Variants in CDYL2 observed in about 807,000 individuals in gnomAD.
CDYL2 encodes chromodomain Y like 2.
A neutral mutation model predicts 49.4 loss-of-function variants in CDYL2; 23 were observed. The observed-to-expected ratio is 0.47, with a 90% CI of 0.34 to 0.66. CDYL2 has a LOEUF of 0.66. Ranked by LOEUF, CDYL2 falls within the 30% of genes least tolerant of loss-of-function variation. CDYL2 has a pLI of 0.01. For synonymous variants in CDYL2, 360 were observed against 268.8 expected, an observed-to-expected ratio of 1.34 and a Z score of -3.32; for missense variants, 678 against 656.4, an observed-to-expected ratio of 1.03 and a Z score of -0.36.
intron 6 of CDYL2, 138 bp downstream of exon 6, chr16:80,607,954 T>G: frequency 3.0e-6 from 3 of 985,470 alleles, no homozygotes; most frequent in Non-Finnish European, 4.3e-6. Context: ...GAAAAGGCAT[T>G]TGTTAAATTG....
chr16:80,741,562 T>C (rs1317857275), intron 1 of CDYL2, among the ~76,000 whole-genome samples: 1 of 152,080 alleles, frequency 6.6e-6, no homozygotes. Context: ...AAGAAACAGA[T>C]GAACATATTA....
chr16:80,692,469 A>G (rs768145689), intron 1 of CDYL2, among the ~76,000 whole-genome samples: 1 of 152,338 alleles, frequency 6.6e-6, no homozygotes, highest in African/African-American at 2.4e-5. Flanking sequence ...CATTTAAAAC[A>G]TGACTCAAAC....
At chr16:80,620,648 A>T in intron 4 of CDYL2, 115 bp downstream of exon 4, 1 of 984,898 alleles carries the variant, frequency 1.0e-6, no homozygotes, top group Non-Finnish European at 1.4e-6. Flanking sequence ...GGATATACTT[A>T]TGCTAAAAAT....
chr16:80,652,733 T>C (rs1319143922), intron 2 of CDYL2, among the ~76,000 whole-genome samples: 2 of 152,174 alleles, frequency 1.3e-5, no homozygotes, highest in Non-Finnish European at 2.9e-5. Flanking sequence ...TGATAGGATG[T>C]GATGAGAATG....
At chr16:80,679,254 A>C (rs1384719217) in intron 2 of CDYL2, among the ~76,000 whole-genome samples, 1 of 148,740 alleles carries the variant, frequency 6.7e-6, no homozygotes, top group Non-Finnish European at 1.5e-5. Context: ...CTAAAACTTA[A>C]AGTATAATAA....
intron 2 of CDYL2, among the ~76,000 whole-genome samples, chr16:80,657,132 A>C (rs1204458831): frequency 3.3e-5 from 5 of 152,232 alleles, no homozygotes; most frequent in Admixed American, 2.0e-4. Flanking sequence ...ACGCTTAGAA[A>C]ACAAGCCAGC....
chr16:80,784,793 G>T (rs558281340), intron 1 of CDYL2, among the ~76,000 whole-genome samples: 1 of 152,136 alleles, frequency 6.6e-6, no homozygotes, highest in African/African-American at 2.4e-5. Flanking sequence ...AATGATCAGT[G>T]CTGGAGAGAA....
At chr16:80,648,496 C>T (rs1054063309) in intron 2 of CDYL2, among the ~76,000 whole-genome samples, 22 of 151,840 alleles carry the variant, frequency 1.4e-4, no homozygotes, top group African/African-American at 4.8e-4. Flanking sequence ...AGCGATATCA[C>T]AGCCATAATA....
At chr16:80,608,342 T>A in intron 5 of CDYL2, 107 bp from the exon 6 acceptor site, 20 of 1,223,734 alleles carry the variant, frequency 1.6e-5, no homozygotes, top group Non-Finnish European at 2.0e-5. Flanking sequence ...GGAAGGCATC[T>A]TGCCTTCCAG....
chr16:80,706,516 T>A (rs1040597979), intron 1 of CDYL2, among the ~76,000 whole-genome samples: 18 of 152,144 alleles, frequency 1.2e-4, no homozygotes, highest in African/African-American at 4.3e-4. Context: ...GTTGCAGGGA[T>A]CAAATAAGTT....
At chr16:80,688,208 A>G (rs1004552111) in intron 1 of CDYL2, among the ~76,000 whole-genome samples, 9 of 152,130 alleles carry the variant, frequency 5.9e-5, no homozygotes, top group Non-Finnish European at 1.3e-4. Context: ...TAGTTCTTCT[A>G]CCTCTGGTCC....
intron 2 of CDYL2, among the ~76,000 whole-genome samples, chr16:80,675,955 A>C (rs1009866142): frequency 2.0e-5 from 3 of 152,182 alleles, no homozygotes; most frequent in African/African-American, 7.2e-5. Flanking sequence ...AAAAGCAATT[A>C]GTTGGTTTCT....
chr16:80,639,954 G>C (rs1210735349), intron 2 of CDYL2, among the ~76,000 whole-genome samples: 1 of 152,224 alleles, frequency 6.6e-6, no homozygotes, highest in Non-Finnish European at 1.5e-5. Flanking sequence ...TGATATCCCA[G>C]TGGTCAGAAC....
At position 80,604,387 on chromosome 16, in the gene CDYL2, C is replaced by T. The variant is rs1271328900; in HGVS notation, c.*1G>A. On this transcript the variant is annotated 3_prime_UTR_variant, in exon 7 of 7. Coordinates refer to ENST00000570137, the MANE Select transcript of CDYL2 (RefSeq NM_152342.4). ...GTTGGGGGCCCGTGAGCTGGGGCCC[C>T]TCAGACTTCATAAATTTTGTCCTGC... 17 of 1,613,872 alleles carry T rather than the reference C, an allele frequency of 1.1e-5. No homozygotes were observed. The highest frequency in any genetic ancestry group is 1.4e-5 in the Non-Finnish European group (17 of 1,179,908).
At chr16:80,784,881 G>T (rs1907384328) in intron 1 of CDYL2, among the ~76,000 whole-genome samples, 1 of 152,100 alleles carries the variant, frequency 6.6e-6, no homozygotes, top group African/African-American at 2.4e-5. Flanking sequence ...AGTGAAACAA[G>T]GATGTTTTTA....
In CDYL2 at chr16:80,786,935, G is replaced by A. The variant is rs529466828; in HGVS notation, c.24+17215C>T. Among the ~76,000 whole-genome samples the A allele has an allele frequency of 5.9e-5, 9 of 152,208 alleles. No homozygotes were observed. The South Asian group carries it at 1.7e-3, about 28-fold the overall frequency. On this transcript the variant is annotated intron_variant, in intron 1 of 6. Transcript: ENST00000570137. ...GGGCCTGTGGGGGGTGGGGGGCTAG[G>A]GGAGGGATAACATTAGGAAAAATAC... is the stretch of plus-strand genomic sequence containing the variant.
intron 1 of CDYL2, among the ~76,000 whole-genome samples, chr16:80,750,001 C>G (rs1906075112): frequency 6.6e-6 from 1 of 151,746 alleles, no homozygotes; most frequent in East Asian, 1.9e-4. Flanking sequence ...AACCAAACAC[C>G]ACATGTTCTC....
At chr16:80,790,914 G>C (rs1218714523) in intron 1 of CDYL2, among the ~76,000 whole-genome samples, 1 of 152,208 alleles carries the variant, frequency 6.6e-6, no homozygotes, top group Non-Finnish European at 1.5e-5. Context: ...GGAAGATACA[G>C]TCTCTGTCTC....
intron 1 of CDYL2, among the ~76,000 whole-genome samples, chr16:80,766,356 A>C (rs1906724894): frequency 2.0e-5 from 3 of 152,232 alleles, no homozygotes; most frequent in Non-Finnish European, 4.4e-5. Flanking sequence ...TTTAACCTCT[A>C]CTACCAAAGA....
Sources: gnomAD v4.1 joint callset for allele counts (sites outside exome capture counted in the v4.1 genomes callset) on GRCh38, gnomAD v4.1.1 for gene constraint, MANE v1.5 for transcripts, NCBI Gene and HGNC (gene_info 2026-07-23, HGNC 2026-07-21) for gene names.